Variants in P4HA3 observed in about 807,000 individuals in gnomAD.
P4HA3 encodes prolyl 4-hydroxylase subunit alpha 3, also known as prolyl 4-hydroxylase subunit alpha-3.
In P4HA3, 60 loss-of-function variants were observed where a neutral mutation model predicts 66.7. The observed-to-expected ratio is 0.90, with a 90% CI of 0.73 to 1.12. P4HA3 has a LOEUF of 1.12. Ranked by LOEUF, P4HA3 falls within the 50% of genes most tolerant of loss-of-function variation. The probability of loss-of-function intolerance (pLI) is 0.00; values close to 1 mark genes in which losing one functional copy is unlikely to be tolerated. For synonymous variants in P4HA3, 263 were observed against 274.6 expected (o/e 0.96, Z 0.42); for missense variants, 683 against 685.8 (o/e 1.00, Z 0.05).
At chr11:74,277,184 C>A in intron 8 of P4HA3, 40 bp from the exon 9 acceptor site, 2 of 1,574,004 alleles carry the variant, frequency 1.3e-6, no homozygotes, top group Non-Finnish European at 8.7e-7. Context: ...TGATCTGTTG[C>A]CCGAAATGAC....
In P4HA3 at chr11:74,269,637, C is replaced by G; in HGVS notation, c.1467+15G>C. On this transcript the variant is annotated intron_variant, in intron 11 of 12. Transcript: ENST00000331597. ...CTCCCTCAACCCCGTCTTCTGGGAC[C>G]AGGGCCCCACTCACCCTAACCACAG... 1 of 1,610,280 alleles carries G rather than the reference C, an allele frequency of 6.2e-7. No homozygotes were observed. Among genetic ancestry groups the G allele is most frequent in the Non-Finnish European group, 8.5e-7 (1 of 1,177,706 alleles).
chr11:74,281,562 A>G (rs1449443526), intron 7 of P4HA3, among the ~76,000 whole-genome samples: 2 of 152,144 alleles, frequency 1.3e-5, no homozygotes, highest in African/African-American at 2.4e-5. Flanking sequence ...TGATGAGTTC[A>G]TGTCCTTTGT....
chr11:74,289,528 T>C (rs952459618), intron 4 of P4HA3, among the ~76,000 whole-genome samples: 10 of 151,938 alleles, frequency 6.6e-5, no homozygotes, highest in African/African-American at 1.7e-4. Flanking sequence ...ATGTGCCATG[T>C]TGGTGTGCTG....
chr11:74,311,090 T>A (rs1268234509), intron 1 of P4HA3, among the ~76,000 whole-genome samples: 1 of 152,118 alleles, frequency 6.6e-6, no homozygotes, highest in Non-Finnish European at 1.5e-5. Flanking sequence ...AACTTTGCTG[T>A]GTGACGCTGG....
chr11:74,270,147 A>G (rs1003299223), intron 10 of P4HA3, among the ~76,000 whole-genome samples: 18 of 152,154 alleles, frequency 1.2e-4, no homozygotes, highest in African/African-American at 4.1e-4. Context: ...ATAGCTTCTG[A>G]TCTTCTCTAC....
chr11:74,258,633 G>A (rs1332083706), intron 15 of P4HA3, among the ~76,000 whole-genome samples: 3 of 152,054 alleles, frequency 2.0e-5, no homozygotes, highest in Middle Eastern at 3.2e-3. Flanking sequence ...CCAGACGAGT[G>A]CCTTTTTAGT....
At chr11:74,281,649 T>A (rs1396048540) in intron 7 of P4HA3, among the ~76,000 whole-genome samples, 2 of 151,914 alleles carry the variant, frequency 1.3e-5, no homozygotes, top group Admixed American at 1.3e-4. Context: ...CCACATATTC[T>A]CACTCATAGG....
chr11:74,269,509 T>C lies in P4HA3; in HGVS notation c.1467+143A>G, dbSNP rs1460042946. On this transcript the variant is annotated intron_variant, in intron 11 of 12. Coordinates refer to ENST00000331597, the MANE Select transcript of P4HA3 (RefSeq NM_182904.5). ...TGCGGTAGTAAAGAAGACTATGGGATGATCTGTGATTCTGGGAATTGGGGA... is the reference window on the plus strand; with the variant it reads ...TGCGGTAGTAAAGAAGACTATGGGACGATCTGTGATTCTGGGAATTGGGGA... The C allele has an allele frequency of 7.9e-6, 6 of 757,006 alleles. No homozygotes were observed. The Admixed American group carries it at 1.4e-4, about 18-fold the overall frequency. 46.9% of individuals were successfully genotyped at this position (757,006 alleles called of 1,614,324 possible).
rs1477063845 is a variant in P4HA3, at chr11:74,290,559, A to G, written c.718-1429T>C. ...AATGGTATTGCCTAGGTTTTCTTCTAGGGTTTTTACGGTTTTAGGTCTAAC... is the reference window on the plus strand; with the variant it reads ...AATGGTATTGCCTAGGTTTTCTTCTGGGGTTTTTACGGTTTTAGGTCTAAC... On this transcript the variant is annotated intron_variant, in intron 4 of 12. Coordinates refer to ENST00000331597, the MANE Select transcript of P4HA3 (RefSeq NM_182904.5). 4.0e-5 allele frequency among the ~76,000 whole-genome samples: 6 copies of G among 151,510 alleles called. No homozygotes were observed. The East Asian group carries it at 5.8e-4, about 15-fold the overall frequency.
chr11:74,274,343 T>C (rs562583766), intron 9 of P4HA3, among the ~76,000 whole-genome samples: 4 of 151,528 alleles, frequency 2.6e-5, no homozygotes, highest in African/African-American at 9.7e-5. Flanking sequence ...TCTCACTCTG[T>C]TGCCCAGGCT....
At chr11:74,255,889 TC>T in intron 15 of P4HA3, 1 of 508,738 alleles carries the variant, frequency 2.0e-6, no homozygotes. Context: ...GGAGAGAAGT[TC>T]CTTATGTGTG....
At chr11:74,272,066 G>A (rs1322989738) in intron 10 of P4HA3, among the ~76,000 whole-genome samples, 1 of 152,164 alleles carries the variant, frequency 6.6e-6, no homozygotes, top group Non-Finnish European at 1.5e-5. Flanking sequence ...TGTAATCTGT[G>A]CTGAGGCCAC....
intron 8 of P4HA3, among the ~76,000 whole-genome samples, chr11:74,278,785 T>C (rs1047580727): frequency 3.3e-5 from 5 of 152,186 alleles, no homozygotes; most frequent in Non-Finnish European, 5.9e-5. Flanking sequence ...ATCACTCACC[T>C]CCCTTCCCAG....
chr11:74,300,097 G>A (rs1861359184), intron 3 of P4HA3, among the ~76,000 whole-genome samples: 1 of 152,156 alleles, frequency 6.6e-6, no homozygotes, highest in Non-Finnish European at 1.5e-5. Flanking sequence ...GAACTCCTAT[G>A]TCAATAAATA....
chr11:74,251,018 G>T lies in P4HA3; in HGVS notation c.*1319-3017C>A. ...CAGTCCATGAGGATGCCCCTGACAAGGTGAGTCTGGTGCTCAGTGACTGTA... is the reference window on the plus strand; with the variant it reads ...CAGTCCATGAGGATGCCCCTGACAATGTGAGTCTGGTGCTCAGTGACTGTA... On this transcript the variant is annotated intron_variant and NMD_transcript_variant, in intron 15 of 15. Transcript: ENST00000524388. The T allele has an allele frequency of 6.3e-7, 1 of 1,591,104 alleles. No individual in the cohort carries two copies. The highest frequency in any genetic ancestry group is 8.6e-7 in the Non-Finnish European group (1 of 1,168,406).
At chr11:74,290,393 T>A (rs543741240) in intron 4 of P4HA3, among the ~76,000 whole-genome samples, 1 of 150,268 alleles carries the variant, frequency 6.7e-6, no homozygotes, top group East Asian at 1.9e-4. Flanking sequence ...ATTTTGTAGG[T>A]TGCCTGTTCA....
intron 4 of P4HA3, among the ~76,000 whole-genome samples, chr11:74,290,567 T>C (rs1405331257): frequency 2.0e-5 from 3 of 151,732 alleles, no homozygotes; most frequent in Non-Finnish European, 4.4e-5. Context: ...CTAGGGTTTT[T>C]ACGGTTTTAG....
chr11:74,285,986 C>A lies in P4HA3; in HGVS notation c.934-1G>T. 1 of 1,603,748 alleles carries A rather than the reference C, an allele frequency of 6.2e-7. No individual in the cohort carries two copies. ...GGCTAGGGATCTGGTAGAGAGTGGGCTGGAAGGAAAGAATAGGATGAGCAT... is the reference window on the plus strand; with the variant it reads ...GGCTAGGGATCTGGTAGAGAGTGGGATGGAAGGAAAGAATAGGATGAGCAT... On this transcript the variant is annotated splice_acceptor_variant, in intron 6 of 12. Coordinates refer to ENST00000331597, the MANE Select transcript of P4HA3 (RefSeq NM_182904.5). LOFTEE classifies it high-confidence loss of function.
intron 3 of P4HA3, among the ~76,000 whole-genome samples, chr11:74,301,494 C>T (rs1861405091): frequency 6.6e-6 from 1 of 152,190 alleles, no homozygotes; most frequent in Non-Finnish European, 1.5e-5. Context: ...TGTAGAGAGA[C>T]TCAAGCAGCC....
Sources: allele counts gnomAD v4.1 joint callset (sites outside exome capture counted in the v4.1 genomes callset), GRCh38; gene constraint gnomAD v4.1.1; transcripts MANE v1.5; gene names NCBI Gene and HGNC (gene_info 2026-07-23, HGNC 2026-07-21).